RBBP4: variants seen among roughly 807,000 people sequenced by gnomAD.
RBBP4 encodes RB binding protein 4, chromatin remodeling factor.
In RBBP4, 3 loss-of-function variants were observed where a neutral mutation model predicts 57.2. The ratio of observed to expected loss-of-function variants is 0.05; its 90% confidence interval spans 0.02 to 0.14. The LOEUF (loss-of-function observed/expected upper bound fraction) is 0.14, where lower values mean the gene tolerates loss of function less well. Among genes scored for constraint, RBBP4 ranks in the 10% least tolerant of loss-of-function variants. The probability of loss-of-function intolerance (pLI) is 1.00; values close to 1 mark genes in which losing one functional copy is unlikely to be tolerated. For missense variants in RBBP4, 107 were observed against 520.6 expected (o/e 0.21, Z 7.73); for synonymous variants, 151 against 171.5 (o/e 0.88, Z 0.93).
chr1:32,675,401 A>G (rs1040115008), intron 11 of RBBP4, among the ~76,000 whole-genome samples: 1 of 152,126 alleles, frequency 6.6e-6, no homozygotes, highest in Non-Finnish European at 1.5e-5. Context: ...AACAGATTGT[A>G]CTACATCCAT....
At chr1:32,675,003 C>T (rs1203520799) in intron 11 of RBBP4, among the ~76,000 whole-genome samples, 1 of 151,882 alleles carries the variant, frequency 6.6e-6, no homozygotes, top group Non-Finnish European at 1.5e-5. Flanking sequence ...TCCCAAAGTA[C>T]TGGAATTACA....
At chr1:32,666,429 G>T (rs1235974911) in intron 3 of RBBP4, among the ~76,000 whole-genome samples, 2 of 151,722 alleles carry the variant, frequency 1.3e-5, no homozygotes, top group African/African-American at 4.8e-5. Flanking sequence ...CACGATCTCG[G>T]CTCACTGCAA....
intron 3 of RBBP4, among the ~76,000 whole-genome samples, chr1:32,658,168 C>G (rs148945092): frequency 6.6e-6 from 1 of 152,070 alleles, no homozygotes; most frequent in African/African-American, 2.4e-5. Flanking sequence ...GCTATACATT[C>G]TTAACACGGG....
intron 11 of RBBP4, among the ~76,000 whole-genome samples, chr1:32,675,019 G>T (rs1330250399): frequency 6.6e-6 from 1 of 151,840 alleles, no homozygotes; most frequent in East Asian, 1.9e-4. Context: ...TTACAGACGT[G>T]AGCCACCGTG....
In RBBP4 at chr1:32,681,657, C is replaced by G. The variant is rs945946209; in HGVS notation, c.*1952C>G. ...GAAATAGAATCCAGCAAAGAGTTGA[C>G]ATGTTCTGCCTCCGGCCAACTCTAG... On this transcript the variant is annotated 3_prime_UTR_variant, in exon 12 of 12. Coordinates refer to ENST00000373493, the MANE Select transcript of RBBP4 (RefSeq NM_005610.3). 30 of 736,610 alleles carry G rather than the reference C, an allele frequency of 4.1e-5. No individual in the cohort carries two copies. Among genetic ancestry groups the G allele is most frequent in the Middle Eastern group, 2.4e-4 (1 of 4,242 alleles). 45.6% of individuals were successfully genotyped at this position (736,610 alleles called of 1,614,324 possible). A position where few individuals can be genotyped will look rare whatever the true frequency, so the allele number is the denominator to read the frequency against.
chr1:32,667,173 C>T (rs939445459), intron 3 of RBBP4, among the ~76,000 whole-genome samples: 2 of 152,214 alleles, frequency 1.3e-5, no homozygotes, highest in African/African-American at 4.8e-5. Context: ...GCCTAAACCC[C>T]TCCTTGTGGT....
intron 3 of RBBP4, among the ~76,000 whole-genome samples, chr1:32,662,792 T>A (rs1482824443): frequency 6.6e-6 from 1 of 150,812 alleles, no homozygotes; most frequent in Non-Finnish European, 1.5e-5. Flanking sequence ...AAGACCAGCT[T>A]GGCCAACGTG....
rs1242126180 is a variant in RBBP4 at position 32,685,476 on chromosome 1, A to G, written c.*5771A>G. Reference sequence around the variant, plus strand: ...TTTACCTCAGATTTTGAAGAATACTAAGGAATCCAGTTGTTGGGGTACATG... The same window carrying G: ...TTTACCTCAGATTTTGAAGAATACTGAGGAATCCAGTTGTTGGGGTACATG... On this transcript the variant is annotated 3_prime_UTR_variant, in exon 12 of 12. Coordinates refer to ENST00000373493, the MANE Select transcript of RBBP4 (RefSeq NM_005610.3). 2.0e-5 allele frequency: 3 copies of G among 152,232 alleles called. No homozygotes were observed. The highest frequency in any genetic ancestry group is 4.4e-5 in the Non-Finnish European group (3 of 68,046). The allele number at this position is 152,232 out of a possible 1,614,324, so 9.4% of individuals were successfully genotyped here. A position where few individuals can be genotyped will look rare whatever the true frequency, so the allele number is the denominator to read the frequency against.
chr1:32,653,044 G>A (rs1255070931), intron 2 of RBBP4, among the ~76,000 whole-genome samples: 1 of 152,158 alleles, frequency 6.6e-6, no homozygotes, highest in Non-Finnish European at 1.5e-5. Flanking sequence ...GCATAGTGAG[G>A]GCTAAAAGAT....
rs113298201 is a variant in RBBP4, at chr1:32,657,659, A to G, written c.310+87A>G. The G allele has an allele frequency of 4.2e-6, 6 of 1,443,478 alleles. No individual in the cohort carries two copies. The African/African-American group carries it at 7.2e-5, about 17-fold the overall frequency. The allele number at this position is 1,443,478 out of a possible 1,614,324, so 89.4% of individuals were successfully genotyped here. On this transcript the variant is annotated intron_variant, in intron 3 of 11. Transcript: ENST00000373493. ...GATAAAGTAAACTCTGACTTTAGAA[A>G]CAATATTTAAGGTTGAGGGAAAGCC...
chr1:32,662,538 G>A (rs989805769), intron 3 of RBBP4, among the ~76,000 whole-genome samples: 5 of 151,600 alleles, frequency 3.3e-5, no homozygotes, highest in African/African-American at 7.2e-5. Context: ...CACCACACCC[G>A]GCTAATTTTG....
chr1:32,656,077 G>A (rs1242333818), intron 2 of RBBP4, among the ~76,000 whole-genome samples: 1 of 152,084 alleles, frequency 6.6e-6, no homozygotes, highest in Non-Finnish European at 1.5e-5. Flanking sequence ...AGTTTTAATC[G>A]GCCTTCTCTC....
chr1:32,657,752 A>T (rs1427843078), intron 3 of RBBP4, 180 bp downstream of exon 3: 12 of 658,120 alleles, frequency 1.8e-5, no homozygotes, highest in Non-Finnish European at 2.8e-5. Context: ...TACTTAACAC[A>T]TCCTTGGTTC....
Position 32,681,757 on chromosome 1 carries a change from G to A in RBBP4, c.*2052G>A. ...TGCTTGCCAAGTTTCTGGCACTCTTGTCTGGTTGGAAGAGTACATCCAAAG... is the reference window on the plus strand; with the variant it reads ...TGCTTGCCAAGTTTCTGGCACTCTTATCTGGTTGGAAGAGTACATCCAAAG... On this transcript the variant is annotated 3_prime_UTR_variant, in exon 12 of 12. Coordinates refer to ENST00000373493, the MANE Select transcript of RBBP4 (RefSeq NM_005610.3). The A allele has an allele frequency of 3.7e-6, 6 of 1,603,586 alleles. No individual in the cohort carries two copies. Among genetic ancestry groups the A allele is most frequent in the Non-Finnish European group, 5.1e-6 (6 of 1,171,366 alleles).
At chr1:32,670,642 G>A (rs1000012005) in intron 8 of RBBP4, among the ~76,000 whole-genome samples, 8 of 151,652 alleles carry the variant, frequency 5.3e-5, no homozygotes, top group African/African-American at 1.7e-4. Flanking sequence ...GTGCAATCTC[G>A]GCTCACTGCA....
intron 3 of RBBP4, among the ~76,000 whole-genome samples, chr1:32,661,302 C>T (rs625603): frequency 0.93 from 127,927 of 137,326 alleles, 59,502 homozygotes; most frequent in East Asian, 1. Flanking sequence ...TTTTTAGTTC[C>T]TTTTTTTTTT....
In RBBP4 at chr1:32,668,407, C is replaced by T. The variant is rs371116807; in HGVS notation, c.484+9C>T. ...ACATCCTTCTAAACCAGGTATGTGC[C>T]CTTTTCTATTCAAATACAAATGAGT... On this transcript the variant is annotated intron_variant, in intron 4 of 11. Transcript: ENST00000373493. The T allele has an allele frequency of 1.1e-5, 18 of 1,569,226 alleles. No homozygotes were observed. The Admixed American group carries it at 1.9e-4, about 17-fold the overall frequency.
chr1:32,675,046 T>G (rs1487183913), intron 11 of RBBP4, among the ~76,000 whole-genome samples: 2 of 151,830 alleles, frequency 1.3e-5, no homozygotes, highest in African/African-American at 4.8e-5. Flanking sequence ...ATTTTTATTT[T>G]TGAGACGGAG....
chr1:32,682,762 C>CTG lies in RBBP4; in HGVS notation c.*3059_*3060dup, dbSNP rs35184219. 1.5e-3 allele frequency: 1 copy of CTG among 652 alleles called. No homozygotes were observed. The highest frequency in any genetic ancestry group is 8.8e-3 in the Non-Finnish European group (1 of 114). 0.0% of individuals were successfully genotyped at this position (652 alleles called of 1,614,324 possible). A position where few individuals can be genotyped will look rare whatever the true frequency, so the allele number is the denominator to read the frequency against. On this transcript the variant is annotated 3_prime_UTR_variant, in exon 12 of 12. Coordinates refer to ENST00000373493, the MANE Select transcript of RBBP4 (RefSeq NM_005610.3). ...CTCCAGCCTGGGTGGCAGAGCGAGA[C>CTG]TGTCTCAAAAAAAAAAGAAAGTTGT...
Sources: allele counts gnomAD v4.1 joint callset (sites outside exome capture counted in the v4.1 genomes callset), GRCh38; gene constraint gnomAD v4.1.1; transcripts MANE v1.5; gene names NCBI Gene and HGNC (gene_info 2026-07-23, HGNC 2026-07-21).